The following FBXL17 variants were observed in gnomAD, a reference collection of about 807,000 sequenced individuals.
The protein encoded by FBXL17 is F-box and leucine rich repeat protein 17.
FBXL17 carries 22 observed loss-of-function variants against 66.2 expected under a neutral mutation model. The observed-to-expected ratio is 0.33, with a 90% CI of 0.24 to 0.47. The LOEUF (loss-of-function observed/expected upper bound fraction) is 0.47, where lower values mean the gene tolerates loss of function less well. Among genes scored for constraint, FBXL17 ranks in the 20% least tolerant of loss-of-function variants. FBXL17 has a pLI of 1.00. For missense variants in FBXL17, 878 were observed against 948.2 expected (o/e 0.93, Z 0.97); for synonymous variants, 474 against 400.5 (o/e 1.18, Z -2.19).
chr5:108,020,925 C>T lies in FBXL17; in HGVS notation c.1822G>A (p.Ala608Thr), dbSNP rs1171297577. The change falls in exon 7 of 9, where the codon GCA becomes ACA. Residue 608 changes from alanine (A) to threonine (T), a missense_variant and splice_region_variant. Physicochemically the swap from Ala to Thr is moderately conservative, Grantham distance 58. Around this residue, in one of 4 missense-constraint regions of FBXL17, gnomAD observed 236 missense variants for 389.1 expected, o/e 0.61. Coordinates refer to ENST00000542267, the MANE Select transcript of FBXL17 (RefSeq NM_001163315.3). ...YLVSCKITDY[A>T]LIAIGRYSMT... The stretch of plus-strand genomic sequence containing the variant: ...ATTAGGAAAATGGTTCATTACCTAC[C>T]ATAATCTGTGATTTTACAGGACACC... 1 of 1,601,480 alleles carries T rather than the reference C, an allele frequency of 6.2e-7. No homozygotes were observed. Among genetic ancestry groups the T allele is most frequent in the Non-Finnish European group, 8.6e-7 (1 of 1,169,564 alleles).
intron 5 of FBXL17, among the ~76,000 whole-genome samples, chr5:108,198,540 G>A (rs552377234): frequency 6.6e-6 from 1 of 152,218 alleles, no homozygotes; most frequent in African/African-American, 2.4e-5. Context: ...GGATAGTGAA[G>A]GAATGAACAC....
At chr5:107,964,537 C>T (rs1168932112) in intron 7 of FBXL17, among the ~76,000 whole-genome samples, 5 of 152,048 alleles carry the variant, frequency 3.3e-5, no homozygotes, top group Admixed American at 3.3e-4. Flanking sequence ...AGAAGCTGTA[C>T]CCAATTCTCA....
At chr5:108,235,540 A>G (rs1755562396) in intron 4 of FBXL17, among the ~76,000 whole-genome samples, 1 of 152,106 alleles carries the variant, frequency 6.6e-6, no homozygotes, top group Non-Finnish European at 1.5e-5. Context: ...CCACCAATCT[A>G]TTTTCCACTC....
chr5:107,974,500 G>A (rs1417966098), intron 7 of FBXL17, among the ~76,000 whole-genome samples: 1 of 152,076 alleles, frequency 6.6e-6, no homozygotes, highest in African/African-American at 2.4e-5. Context: ...GTGATCCAGA[G>A]CAATTTCCAT....
intron 6 of FBXL17, among the ~76,000 whole-genome samples, chr5:108,111,696 G>C (rs1750041101): frequency 6.6e-6 from 1 of 152,132 alleles, no homozygotes; most frequent in African/African-American, 2.4e-5. Context: ...AAAACTGTCT[G>C]TACATGCTAG....
chr5:108,000,673 G>A (rs1369053800), intron 7 of FBXL17, among the ~76,000 whole-genome samples: 2 of 152,114 alleles, frequency 1.3e-5, no homozygotes, highest in Non-Finnish European at 2.9e-5. Flanking sequence ...AGAATCTCAA[G>A]ACAATAAAAT....
intron 7 of FBXL17, among the ~76,000 whole-genome samples, chr5:107,974,049 T>G (rs1279091763): frequency 6.6e-6 from 1 of 152,164 alleles, no homozygotes; most frequent in African/African-American, 2.4e-5. Flanking sequence ...GATTTGCTAT[T>G]TGCAAGGCAG....
chr5:107,969,527 G>A (rs556522599), intron 7 of FBXL17, among the ~76,000 whole-genome samples: 45 of 152,064 alleles, frequency 3.0e-4, no homozygotes, highest in African/African-American at 1.0e-3. Context: ...TTATTCACTG[G>A]CAGAAGCAGG....
chr5:108,183,238 A>T (rs1022799076), intron 6 of FBXL17, among the ~76,000 whole-genome samples: 1 of 151,880 alleles, frequency 6.6e-6, no homozygotes, highest in African/African-American at 2.4e-5. Flanking sequence ...ACGGGGTTTC[A>T]CCATGTTAGC....
At chr5:108,359,864 C>T (rs1333173416) in intron 3 of FBXL17, among the ~76,000 whole-genome samples, 1 of 152,026 alleles carries the variant, frequency 6.6e-6, no homozygotes. Flanking sequence ...CCTAGTTGTG[C>T]TATTCATTAT....
chr5:108,013,709 A>G (rs1336184201), intron 7 of FBXL17, among the ~76,000 whole-genome samples: 1 of 151,118 alleles, frequency 6.6e-6, no homozygotes, highest in Non-Finnish European at 1.5e-5. Flanking sequence ...TGAATGAAAC[A>G]AAAATAAAAA....
chr5:108,365,065 A>G (rs1400226756), intron 2 of FBXL17, 70 bp from the exon 3 acceptor site: 1 of 1,096,550 alleles, frequency 9.1e-7, no homozygotes, highest in East Asian at 2.6e-5. Context: ...TTTTTAATTA[A>G]ATGTTCCACA....
intron 3 of FBXL17, among the ~76,000 whole-genome samples, chr5:108,350,448 T>C (rs1182733146): frequency 2.6e-5 from 4 of 152,200 alleles, no homozygotes; most frequent in African/African-American, 9.7e-5. Flanking sequence ...AAGAAACATT[T>C]CTATCCCATT....
intron 5 of FBXL17, among the ~76,000 whole-genome samples, chr5:108,220,159 G>T (rs1296369420): frequency 2.0e-5 from 3 of 151,098 alleles, no homozygotes; most frequent in African/African-American, 7.3e-5. Context: ...TTTTGATTTT[G>T]TCTTTACTCA....
At chr5:108,116,986 T>C (rs1039756635) in intron 6 of FBXL17, among the ~76,000 whole-genome samples, 1 of 152,210 alleles carries the variant, frequency 6.6e-6, no homozygotes, top group African/African-American at 2.4e-5. Context: ...GATATTTCAT[T>C]TGTTATTTCA....
chr5:108,373,336 T>C (rs922439602), intron 1 of FBXL17, among the ~76,000 whole-genome samples: 13 of 130,534 alleles, frequency 1.0e-4, no homozygotes, highest in African/African-American at 3.2e-4. Flanking sequence ...TTAATATATA[T>C]CTAAATATAA....
intron 6 of FBXL17, among the ~76,000 whole-genome samples, chr5:108,099,394 A>G (rs184368730): frequency 6.2e-4 from 95 of 152,338 alleles, no homozygotes; most frequent in African/African-American, 2.0e-3. Flanking sequence ...ATTTAATATA[A>G]GTTTTACATG....
chr5:108,370,927 CA>C, intron 1 of FBXL17, among the ~76,000 whole-genome samples: 1 of 151,834 alleles, frequency 6.6e-6, no homozygotes, highest in Non-Finnish European at 1.5e-5. Context: ...GGAAGGGTGC[CA>C]AAATTTGAAG....
chr5:108,010,294 T>C (rs1754125895), intron 7 of FBXL17, among the ~76,000 whole-genome samples: 1 of 152,202 alleles, frequency 6.6e-6, no homozygotes, highest in African/African-American at 2.4e-5. Flanking sequence ...AATCAGAAGG[T>C]AATACCCAGC....
Sources: gnomAD v4.1 joint callset for allele counts (sites outside exome capture counted in the v4.1 genomes callset) on GRCh38, gnomAD v4.1.1 for gene constraint, gnomAD v4.1.1 regional missense constraint, MANE v1.5 for transcripts, NCBI Gene and HGNC (gene_info 2026-07-23, HGNC 2026-07-21) for gene names.